The following SHISA9 variants were observed in gnomAD, a reference collection of about 807,000 sequenced individuals.
SHISA9 encodes the protein protein shisa-9.
A neutral mutation model predicts 38.0 loss-of-function variants in SHISA9; 13 were observed. That is an observed-to-expected ratio of 0.34 (90% CI 0.22 to 0.54). The LOEUF is 0.54. Among genes scored for constraint, SHISA9 ranks in the 20% least tolerant of loss-of-function variants. SHISA9 has a pLI of 0.91. For synonymous variants in SHISA9, 275 were observed against 242.0 expected, an observed-to-expected ratio of 1.14 and a Z score of -1.27; for missense variants, 538 against 575.8, an observed-to-expected ratio of 0.93 and a Z score of 0.67.
the SHISA9 span, among the ~76,000 whole-genome samples, chr16:13,553,973 A>G: frequency 6.6e-6 from 1 of 152,346 alleles, no homozygotes; most frequent in South Asian, 2.1e-4. Flanking sequence ...AAATCCTATT[A>G]AAATCTAGCA....
At chr16:13,366,799 A>G in the SHISA9 span, among the ~76,000 whole-genome samples, 13 of 152,188 alleles carry the variant, frequency 8.5e-5, no homozygotes, top group African/African-American at 2.7e-4. Context: ...CCTGGCCAAC[A>G]TGGTGAAACC....
At chr16:13,035,147 T>G (rs1030552369) in intron 2 of SHISA9, among the ~76,000 whole-genome samples, 1 of 152,216 alleles carries the variant, frequency 6.6e-6, no homozygotes, top group African/African-American at 2.4e-5. Context: ...AACAGAAAAC[T>G]GATATGTTTG....
intron 4 of SHISA9, among the ~76,000 whole-genome samples, chr16:13,228,977 A>G (rs1335635159): frequency 3.3e-5 from 5 of 152,130 alleles, no homozygotes; most frequent in African/African-American, 1.2e-4. Context: ...CCTGGCCAAC[A>G]TGGAAAAACG....
chr16:13,260,921 G>T, the SHISA9 span, among the ~76,000 whole-genome samples: 1 of 152,170 alleles, frequency 6.6e-6, no homozygotes, highest in African/African-American at 2.4e-5. Flanking sequence ...CAGAATCATG[G>T]CAGGAGGCGA....
At chr16:13,047,379 G>T (rs1349470239) in intron 2 of SHISA9, among the ~76,000 whole-genome samples, 6 of 151,988 alleles carry the variant, frequency 3.9e-5, no homozygotes, top group Non-Finnish European at 1.5e-5. Context: ...GGCAGGGGCA[G>T]GGCCTTCAGC....
chr16:13,258,783 G>A, the SHISA9 span, among the ~76,000 whole-genome samples: 1 of 152,190 alleles, frequency 6.6e-6, no homozygotes, highest in South Asian at 2.1e-4. Context: ...AAAGAGAATA[G>A]CATGGGAAAA....
chr16:13,427,459 A>C, the SHISA9 span, among the ~76,000 whole-genome samples: 1 of 152,238 alleles, frequency 6.6e-6, no homozygotes, highest in Admixed American at 6.5e-5. Context: ...TTAAACAAAA[A>C]TTAAAGCTCA....
At chr16:13,102,880 C>G (rs1010221479) in intron 2 of SHISA9, among the ~76,000 whole-genome samples, 2 of 152,212 alleles carry the variant, frequency 1.3e-5, no homozygotes, top group African/African-American at 4.8e-5. Context: ...ATAAATTGCT[C>G]ACTCAACTTC....
At chr16:13,223,670 G>T (rs1243467197) in intron 4 of SHISA9, among the ~76,000 whole-genome samples, 1 of 152,166 alleles carries the variant, frequency 6.6e-6, no homozygotes, top group East Asian at 1.9e-4. Context: ...CTGAGACTGG[G>T]TAATTTATAA....
intron 2 of SHISA9, among the ~76,000 whole-genome samples, chr16:13,066,961 A>T (rs2073441945): frequency 6.6e-6 from 1 of 152,154 alleles, no homozygotes; most frequent in South Asian, 2.1e-4. Flanking sequence ...GTTTTGGGGA[A>T]AGTATTTCTA....
the SHISA9 span, among the ~76,000 whole-genome samples, chr16:13,327,628 G>T: frequency 6.6e-6 from 1 of 151,966 alleles, no homozygotes; most frequent in Admixed American, 6.6e-5. Flanking sequence ...AAAAGAAAAG[G>T]CATAGCTCTT....
intron 2 of SHISA9, among the ~76,000 whole-genome samples, chr16:13,032,195 C>T (rs1268744566): frequency 6.6e-6 from 1 of 152,076 alleles, no homozygotes; most frequent in Admixed American, 6.6e-5. Flanking sequence ...CCAAGAGAGG[C>T]TCTGGTATGT....
At chr16:12,904,479 G>A (rs1014716335) in intron 1 of SHISA9, among the ~76,000 whole-genome samples, 3 of 152,106 alleles carry the variant, frequency 2.0e-5, no homozygotes, top group Non-Finnish European at 4.4e-5. Flanking sequence ...GCTCTCTACC[G>A]GTTACCCAAG....
At chr16:13,447,934 G>C in the SHISA9 span, among the ~76,000 whole-genome samples, 7 of 152,194 alleles carry the variant, frequency 4.6e-5, no homozygotes, top group African/African-American at 1.7e-4. Flanking sequence ...ACATACAAAA[G>C]TCATTAGGTG....
the SHISA9 span, among the ~76,000 whole-genome samples, chr16:13,469,405 GAA>G: frequency 1.3e-4 from 16 of 124,556 alleles, no homozygotes; most frequent in South Asian, 1.8e-3. Flanking sequence ...AAGAAAGAAA[GAA>G]AGAAAGAAAG....
chr16:13,476,734 T>TTG, the SHISA9 span, among the ~76,000 whole-genome samples: 1 of 142,330 alleles, frequency 7.0e-6, no homozygotes, highest in African/African-American at 2.7e-5. Flanking sequence ...CACGCCTGTT[T>TTG]TGTGTTTTTT....
chr16:13,413,768 A>G, the SHISA9 span, among the ~76,000 whole-genome samples: 1 of 150,190 alleles, frequency 6.7e-6, no homozygotes, highest in Non-Finnish European at 1.5e-5. Context: ...AAAAAAAAAA[A>G]AAAAAAAAAA....
chr16:13,225,664 T>A (rs532229050), intron 4 of SHISA9, among the ~76,000 whole-genome samples: 21 of 152,224 alleles, frequency 1.4e-4, no homozygotes, highest in Middle Eastern at 3.4e-3. Context: ...TATCTTTGCC[T>A]CAAGGAAAGG....
intron 2 of SHISA9, among the ~76,000 whole-genome samples, chr16:13,161,105 T>C (rs1395153369): frequency 6.6e-6 from 1 of 152,136 alleles, no homozygotes; most frequent in Non-Finnish European, 1.5e-5. Context: ...CCGTGGAAAT[T>C]CTCACTTTTC....
Sources: allele counts gnomAD v4.1 joint callset (sites outside exome capture counted in the v4.1 genomes callset), GRCh38; gene constraint gnomAD v4.1.1; transcripts MANE v1.5; gene names NCBI Gene and HGNC (gene_info 2026-07-23, HGNC 2026-07-21).